PTPRM: variants seen among roughly 807,000 people sequenced by gnomAD.
The protein encoded by PTPRM is receptor-type tyrosine-protein phosphatase mu.
PTPRM carries 47 observed loss-of-function variants against 186.7 expected under a neutral mutation model. The observed-to-expected ratio is 0.25, with a 90% CI of 0.20 to 0.32. The LOEUF (loss-of-function observed/expected upper bound fraction) is 0.32. PTPRM is among the 10% of genes least tolerant of loss of function. The probability of loss-of-function intolerance (pLI) is 1.00; values close to 1 mark genes in which losing one functional copy is unlikely to be tolerated. For synonymous variants in PTPRM, 668 were observed against 674.9 expected, an observed-to-expected ratio of 0.99 and a Z score of 0.16; for missense variants, 1,494 against 1,865.0, an observed-to-expected ratio of 0.80 and a Z score of 3.66.
chr18:7,849,972 G>A (rs1001076216), intron 2 of PTPRM, among the ~76,000 whole-genome samples: 1 of 152,198 alleles, frequency 6.6e-6, no homozygotes, highest in African/African-American at 2.4e-5. Flanking sequence ...ACACATTCAT[G>A]TGTTTTATTT....
intron 14 of PTPRM, among the ~76,000 whole-genome samples, chr18:8,235,255 C>T (rs531900781): frequency 6.6e-6 from 1 of 152,098 alleles, no homozygotes; most frequent in South Asian, 2.1e-4. Context: ...TTTTTAATAG[C>T]TATAGGCCTA....
intron 5 of PTPRM, among the ~76,000 whole-genome samples, chr18:7,944,372 T>C (rs1174678120): frequency 6.6e-6 from 1 of 152,192 alleles, no homozygotes; most frequent in Non-Finnish European, 1.5e-5. Flanking sequence ...TACTATGATT[T>C]CTGAAAACAA....
chr18:7,832,554 C>T (rs180976722), intron 2 of PTPRM, among the ~76,000 whole-genome samples: 9 of 152,170 alleles, frequency 5.9e-5, no homozygotes, highest in Admixed American at 3.3e-4. Context: ...CAAATATTTC[C>T]GATTCTGCAG....
rs1420408585 is a variant in PTPRM at position 8,284,726 on chromosome 18, C to A, written c.2755-11642C>A. ...TTGCACCACTGCCCTCCAGCCTGGG[C>A]AACAGAGCAAGACTCTGACTCAAAA... On this transcript the variant is annotated intron_variant, in intron 19 of 32. Coordinates refer to ENST00000580170, the MANE Select transcript of PTPRM (RefSeq NM_001105244.2). Among the ~76,000 whole-genome samples the A allele has an allele frequency of 2.6e-5, 4 of 152,224 alleles. No homozygotes were observed. In the South Asian group the frequency reaches 6.2e-4, roughly 24 times the overall value.
chr18:7,926,662 A>G lies in PTPRM; in HGVS notation c.642A>G (p.Ala214=), dbSNP rs768149252. 5.6e-6 allele frequency: 9 copies of G among 1,612,782 alleles called. No homozygotes were observed. Among genetic ancestry groups the G allele is most frequent in the Admixed American group, 1.7e-5 (1 of 59,422 alleles). Reference sequence around the variant, plus strand: ...GCAGTGCCATCGGCAGGACCGTGGCAGGAGACAGGCTCTGGTTACAGGTAC... The same window carrying G: ...GCAGTGCCATCGGCAGGACCGTGGCGGGAGACAGGCTCTGGTTACAGGTAC... The part of the protein sequence containing the change: ...FQCSAIGRTV[A]GDRLWLQGID... The change falls in exon 5 of 33, where the codon GCA becomes GCG. Residue 214 remains alanine (A), a synonymous_variant. Coordinates refer to ENST00000580170, the MANE Select transcript of PTPRM (RefSeq NM_001105244.2).
chr18:7,626,328 A>G (rs1394695625), intron 1 of PTPRM, among the ~76,000 whole-genome samples: 1 of 152,194 alleles, frequency 6.6e-6, no homozygotes, highest in Non-Finnish European at 1.5e-5. Flanking sequence ...AAAAGGGTTT[A>G]ATGATCTTTG....
chr18:8,165,167 C>CAAAAAA (rs59978316), intron 14 of PTPRM, among the ~76,000 whole-genome samples: 1 of 103,280 alleles, frequency 9.7e-6, no homozygotes. Flanking sequence ...GACTCCATCT[C>CAAAAAA]AAAAAAAAAA....
At chr18:7,710,507 G>T (rs549168445) in intron 1 of PTPRM, among the ~76,000 whole-genome samples, 21 of 152,058 alleles carry the variant, frequency 1.4e-4, no homozygotes, top group Non-Finnish European at 2.2e-4. Context: ...GCCCACTTTC[G>T]CCACTCCTAT....
intron 19 of PTPRM, among the ~76,000 whole-genome samples, chr18:8,285,472 G>C (rs2094945986): frequency 6.6e-6 from 1 of 152,188 alleles, no homozygotes; most frequent in African/African-American, 2.4e-5. Flanking sequence ...TGGGGAATAA[G>C]CTGTGCTGAA....
chr18:7,808,605 A>G (rs2044354074), intron 2 of PTPRM, among the ~76,000 whole-genome samples: 1 of 152,224 alleles, frequency 6.6e-6, no homozygotes, highest in Admixed American at 6.5e-5. Flanking sequence ...ATTTGGTGAC[A>G]TACTTCAGAT....
At chr18:8,239,080 G>C (rs1264964188) in intron 14 of PTPRM, among the ~76,000 whole-genome samples, 1 of 149,020 alleles carries the variant, frequency 6.7e-6, no homozygotes, top group African/African-American at 2.5e-5. Context: ...GTGCCATGCT[G>C]GTGTGCTGCA....
Position 7,634,545 on chromosome 18 carries a change from A to G in PTPRM, c.73+66654A>G, listed in dbSNP as rs570597384. ...GGTCTATTCCTTATCTTTAATGCCC[A>G]AATGGATTGAACAATATTTTAGATT... On this transcript the variant is annotated intron_variant, in intron 1 of 32. Coordinates refer to ENST00000580170, the MANE Select transcript of PTPRM (RefSeq NM_001105244.2). Among the ~76,000 whole-genome samples, 44 of 152,322 alleles carry G rather than the reference A, an allele frequency of 2.9e-4. 1 individual carries two copies. The South Asian group carries it at 5.2e-3, about 18-fold the overall frequency.
In PTPRM at chr18:7,567,467, G is replaced by T. The variant is rs894062995; in HGVS notation, c.-352G>T. The T allele has an allele frequency of 1.1e-5, 2 of 180,702 alleles. No homozygotes were observed. The highest frequency in any genetic ancestry group is 2.3e-5 in the Non-Finnish European group (2 of 88,870). The allele number at this position is 180,702 out of a possible 1,614,324, so 11.2% of individuals were successfully genotyped here. A position where few individuals can be genotyped will look rare whatever the true frequency, so the allele number is the denominator to read the frequency against. ...CACGGCCACCGCCACGGCCACGGCC[G>T]GCAGCTCGGGTCCCGGGTCCCGGGC... On this transcript the variant is annotated 5_prime_UTR_variant, in exon 1 of 33. Coordinates refer to ENST00000580170, the MANE Select transcript of PTPRM (RefSeq NM_001105244.2). The surrounding 1 kb of genome is among the most constrained non-coding windows in gnomAD (Gnocchi z 4.3).
chr18:7,894,205 A>G (rs1250279597), intron 3 of PTPRM, among the ~76,000 whole-genome samples: 2 of 152,148 alleles, frequency 1.3e-5, no homozygotes. Context: ...GATTTCCCAT[A>G]TAGATTTCTT....
chr18:7,867,621 T>C (rs2047776276), intron 2 of PTPRM, among the ~76,000 whole-genome samples: 1 of 152,168 alleles, frequency 6.6e-6, no homozygotes, highest in Middle Eastern at 3.2e-3. Context: ...CTCTCTGGCT[T>C]CCCTTAATAT....
At chr18:7,991,121 A>G (rs1183435656) in intron 7 of PTPRM, among the ~76,000 whole-genome samples, 1 of 152,206 alleles carries the variant, frequency 6.6e-6, no homozygotes, top group Non-Finnish European at 1.5e-5. Flanking sequence ...TGCATCTTCC[A>G]TGACCTTAAG....
chr18:8,356,155 G>A (rs12958990), intron 23 of PTPRM, among the ~76,000 whole-genome samples: 103 of 152,212 alleles, frequency 6.8e-4, no homozygotes, highest in African/African-American at 2.1e-3. Context: ...AGCCTGCAGC[G>A]TTGAGGCAGG....
chr18:7,634,817 T>C (rs1419059467), intron 1 of PTPRM, among the ~76,000 whole-genome samples: 1 of 152,218 alleles, frequency 6.6e-6, no homozygotes, highest in Non-Finnish European at 1.5e-5. Flanking sequence ...TCAAATGATC[T>C]CAATTAGTGT....
At chr18:7,902,937 T>A (rs2049778010) in intron 3 of PTPRM, among the ~76,000 whole-genome samples, 1 of 151,738 alleles carries the variant, frequency 6.6e-6, no homozygotes, top group Non-Finnish European at 1.5e-5. Context: ...ACAGATCAAC[T>A]TAAAAGTAGA....
Sources: allele counts gnomAD v4.1 joint callset (sites outside exome capture counted in the v4.1 genomes callset), GRCh38; gene constraint gnomAD v4.1.1; non-coding constraint Gnocchi (gnomAD v3.1); transcripts MANE v1.5; gene names NCBI Gene and HGNC (gene_info 2026-07-23, HGNC 2026-07-21).